The following GLT1D1 variants were observed in gnomAD, a reference collection of about 807,000 sequenced individuals.
GLT1D1 encodes glycosyltransferase 1 domain-containing protein 1.
GLT1D1 carries 21 observed loss-of-function variants against 28.7 expected under a neutral mutation model. The observed-to-expected ratio is 0.73, with a 90% CI of 0.52 to 1.05. The LOEUF (loss-of-function observed/expected upper bound fraction) is 1.05, where lower values mean the gene tolerates loss of function less well. Ranked by LOEUF, GLT1D1 falls within the 50% of genes least tolerant of loss-of-function variation. The pLI is 0.00. For synonymous variants in GLT1D1, 147 were observed against 124.8 expected, an observed-to-expected ratio of 1.18 and a Z score of -1.19; for missense variants, 343 against 330.6, an observed-to-expected ratio of 1.04 and a Z score of -0.29.
intron 4 of GLT1D1, among the ~76,000 whole-genome samples, chr12:128,928,515 CTCG>C (rs1873516163): frequency 6.6e-6 from 1 of 152,136 alleles, no homozygotes. Flanking sequence ...TGAGAATGAG[CTCG>C]TCTTTACTCC....
intron 4 of GLT1D1, among the ~76,000 whole-genome samples, chr12:128,913,364 T>C (rs1299456730): frequency 6.6e-6 from 1 of 151,852 alleles, no homozygotes; most frequent in Non-Finnish European, 1.5e-5. Flanking sequence ...GGATTACAGG[T>C]GCCCCCCCAC....
intron 4 of GLT1D1, among the ~76,000 whole-genome samples, chr12:128,942,743 G>GTTTTTTTTTTTT (rs1254764237): frequency 9.9e-6 from 1 of 100,878 alleles, no homozygotes; most frequent in African/African-American, 4.4e-5. Context: ...TTGTTTGTTT[G>GTTTTTTTTTTTT]TTTTTGTTTT....
At chr12:128,863,319 C>T (rs370481692) in intron 1 of GLT1D1, among the ~76,000 whole-genome samples, 4 of 152,266 alleles carry the variant, frequency 2.6e-5, no homozygotes, top group East Asian at 1.9e-4. Context: ...AAGGCAGGCC[C>T]GCTCTGGAAT....
intron 4 of GLT1D1, among the ~76,000 whole-genome samples, chr12:128,902,896 T>C (rs1473657233): frequency 1.3e-5 from 2 of 150,814 alleles, no homozygotes; most frequent in Non-Finnish European, 2.9e-5. Context: ...TGCAAAAAAT[T>C]AGCCGGGCAT....
chr12:128,903,021 CAA>C (rs34692166), intron 4 of GLT1D1, among the ~76,000 whole-genome samples: 32 of 114,938 alleles, frequency 2.8e-4, no homozygotes, highest in Admixed American at 3.7e-4. Flanking sequence ...GACTCCGTCT[CAA>C]AAAAAAAAAA....
At chr12:128,922,676 G>A (rs1053469351) in intron 4 of GLT1D1, among the ~76,000 whole-genome samples, 6 of 152,028 alleles carry the variant, frequency 3.9e-5, no homozygotes, top group Non-Finnish European at 5.9e-5. Flanking sequence ...TAATCCCAGC[G>A]TTTTGGGAGG....
Position 128,931,013 on chromosome 12 carries a change from T to A in GLT1D1, c.376-14313T>A, listed in dbSNP as rs571004900. Among the ~76,000 whole-genome samples the A allele has an allele frequency of 5.2e-3, 779 of 151,022 alleles. 4 individuals carry two copies. Among genetic ancestry groups the A allele is most frequent in the African/African-American group, 0.018 (734 of 41,228 alleles). On this transcript the variant is annotated intron_variant, in intron 4 of 7. Transcript: ENST00000281703. ...TTCTACCACCCTTTTTTTTTTTTTT[T>A]TAAAATGAGACGGAGTCTTGCTCTG...
chr12:128,952,696 A>G (rs1876838082), intron 6 of GLT1D1, among the ~76,000 whole-genome samples: 1 of 144,416 alleles, frequency 6.9e-6, no homozygotes, highest in South Asian at 2.2e-4. Flanking sequence ...TCTGGTCTTG[A>G]ACTCCCGACT....
intron 6 of GLT1D1, among the ~76,000 whole-genome samples, chr12:128,947,722 T>G (rs559845957): frequency 7.2e-4 from 110 of 152,354 alleles, no homozygotes; most frequent in African/African-American, 2.5e-3. Context: ...TCTGACCTTC[T>G]AAATATCTCT....
intron 4 of GLT1D1, among the ~76,000 whole-genome samples, chr12:128,907,450 T>C (rs909929466): frequency 6.6e-6 from 1 of 151,748 alleles, no homozygotes; most frequent in South Asian, 2.1e-4. Context: ...GGACTACAGG[T>C]GCCCGCCACC....
At chr12:128,938,674 T>C (rs1439786524) in intron 4 of GLT1D1, among the ~76,000 whole-genome samples, 1 of 152,194 alleles carries the variant, frequency 6.6e-6, no homozygotes, top group Non-Finnish European at 1.5e-5. Flanking sequence ...TGCCTACTGG[T>C]AAAGTGTAAA....
intron 4 of GLT1D1, among the ~76,000 whole-genome samples, chr12:128,905,726 G>A (rs541215212): frequency 6.6e-6 from 1 of 152,116 alleles, no homozygotes; most frequent in Non-Finnish European, 1.5e-5. Context: ...CACCAGGTCA[G>A]CATGCTAGGC....
chr12:128,883,331 CTTGTAATCCCAGCA>C (rs1032482717), intron 2 of GLT1D1, among the ~76,000 whole-genome samples: 5 of 151,188 alleles, frequency 3.3e-5, no homozygotes, highest in South Asian at 4.2e-4. Flanking sequence ...GTGGCTCATG[CTTGTAATCCCAGCA>C]CTTTGGGAGG....
At chr12:128,893,708 C>T (rs1353905186) in intron 3 of GLT1D1, among the ~76,000 whole-genome samples, 2 of 152,098 alleles carry the variant, frequency 1.3e-5, no homozygotes, top group East Asian at 1.9e-4. Context: ...GCCTCAGCCT[C>T]GTCAGTAGCT....
At chr12:128,911,015 C>T (rs1296410427) in intron 4 of GLT1D1, among the ~76,000 whole-genome samples, 1 of 152,146 alleles carries the variant, frequency 6.6e-6, no homozygotes, top group Non-Finnish European at 1.5e-5. Flanking sequence ...CTGCAACCTC[C>T]GCCTCCCGGG....
At chr12:128,908,974 T>TAAAA (rs1320614930) in intron 4 of GLT1D1, among the ~76,000 whole-genome samples, 1 of 151,708 alleles carries the variant, frequency 6.6e-6, no homozygotes, top group Non-Finnish European at 1.5e-5. Context: ...AATAAATAAA[T>TAAAA]AAAAAATAAA....
At chr12:128,948,606 T>G (rs1297060633) in intron 6 of GLT1D1, among the ~76,000 whole-genome samples, 2 of 152,246 alleles carry the variant, frequency 1.3e-5, no homozygotes, top group Non-Finnish European at 2.9e-5. Flanking sequence ...GTGTTCTTTC[T>G]GAATACGTAG....
intron 1 of GLT1D1, among the ~76,000 whole-genome samples, chr12:128,860,358 G>C (rs1956326181): frequency 6.6e-6 from 1 of 152,194 alleles, no homozygotes; most frequent in African/African-American, 2.4e-5. Flanking sequence ...CTACTCGGGA[G>C]GCTGAGGCAG....
chr12:128,975,596 G>T (rs892688648), intron 7 of GLT1D1, among the ~76,000 whole-genome samples: 5 of 152,112 alleles, frequency 3.3e-5, no homozygotes, highest in Admixed American at 1.3e-4. Context: ...GACTACAGGC[G>T]CGTGCCACCA....
Sources: gnomAD v4.1 joint callset for allele counts (sites outside exome capture counted in the v4.1 genomes callset) on GRCh38, gnomAD v4.1.1 for gene constraint, MANE v1.5 for transcripts, NCBI Gene and HGNC (gene_info 2026-07-23, HGNC 2026-07-21) for gene names.